GRIK2: variants seen among roughly 807,000 people sequenced by gnomAD.
GRIK2 encodes glutamate receptor ionotropic, kainate 2.
In GRIK2, 32 loss-of-function variants were observed where a neutral mutation model predicts 100.3. The ratio of observed to expected loss-of-function variants is 0.32; its 90% confidence interval spans 0.24 to 0.43. The LOEUF is 0.43. Ranked by LOEUF, GRIK2 falls within the 20% of genes least tolerant of loss-of-function variation. The pLI, the probability that GRIK2 is intolerant of heterozygous loss-of-function variation, is 1.00. For missense variants in GRIK2, 843 were observed against 1,114.9 expected (o/e 0.76, Z 3.47); for synonymous variants, 417 against 389.4 (o/e 1.07, Z -0.83).
At chr6:101,913,387 G>GAAC (rs1369437581) in intron 12 of GRIK2, among the ~76,000 whole-genome samples, 3 of 151,412 alleles carry the variant, frequency 2.0e-5, no homozygotes, top group Non-Finnish European at 4.4e-5. Context: ...ACATAACACT[G>GAAC]AACAAAGTGC....
At chr6:101,581,961 G>T (rs1352080450) in intron 2 of GRIK2, among the ~76,000 whole-genome samples, 3 of 152,168 alleles carry the variant, frequency 2.0e-5, no homozygotes, top group Non-Finnish European at 2.9e-5. Flanking sequence ...CACATGTCAA[G>T]GGTAGGACCA....
intron 14 of GRIK2, among the ~76,000 whole-genome samples, chr6:102,017,645 G>A (rs979455069): frequency 2.0e-5 from 3 of 151,852 alleles, no homozygotes; most frequent in African/African-American, 7.3e-5. Context: ...TTCTCCTTTT[G>A]CTATTCTTAT....
chr6:101,429,816 G>T (rs548506011), intron 2 of GRIK2, among the ~76,000 whole-genome samples: 2 of 152,064 alleles, frequency 1.3e-5, no homozygotes, highest in South Asian at 2.1e-4. Context: ...AAAGAATTGA[G>T]AATAGTGTGC....
intron 9 of GRIK2, among the ~76,000 whole-genome samples, chr6:101,811,155 GA>G (rs1339239434): frequency 6.6e-6 from 1 of 151,998 alleles, no homozygotes; most frequent in Non-Finnish European, 1.5e-5. Flanking sequence ...TTACTGGAAA[GA>G]AATTTCTTTA....
At chr6:102,059,935 C>A (rs1771664515) in intron 16 of GRIK2, among the ~76,000 whole-genome samples, 1 of 149,862 alleles carries the variant, frequency 6.7e-6, no homozygotes. Flanking sequence ...TAAAAAAAAT[C>A]TTAAGATGAA....
chr6:101,791,617 T>G (rs2128408346), intron 7 of GRIK2, among the ~76,000 whole-genome samples: 1 of 152,258 alleles, frequency 6.6e-6, no homozygotes, highest in Non-Finnish European at 1.5e-5. Context: ...TGAGGAGAGC[T>G]TTACTTCCCA....
chr6:101,802,239 A>T, intron 8 of GRIK2, 92 bp from the exon 9 acceptor site: 1 of 452,116 alleles, frequency 2.2e-6, no homozygotes, highest in Non-Finnish European at 4.0e-6. Context: ...GTAAACTGAA[A>T]AGTAATGAAT....
intron 2 of GRIK2, among the ~76,000 whole-genome samples, chr6:101,495,611 T>C (rs1263850606): frequency 3.9e-5 from 6 of 152,206 alleles, no homozygotes; most frequent in African/African-American, 1.4e-4. Context: ...TTCTTAATTC[T>C]TGGTCACATG....
chr6:101,823,235 T>A (rs1782074373), intron 10 of GRIK2, among the ~76,000 whole-genome samples: 1 of 152,170 alleles, frequency 6.6e-6, no homozygotes, highest in Non-Finnish European at 1.5e-5. Flanking sequence ...AATTGCAATG[T>A]TTACACATGT....
At chr6:101,926,334 A>G (rs1176463926) in intron 13 of GRIK2, among the ~76,000 whole-genome samples, 1 of 152,004 alleles carries the variant, frequency 6.6e-6, no homozygotes, top group Non-Finnish European at 1.5e-5. Context: ...GTGTTGAGTA[A>G]TACAAGTCAC....
At chr6:101,893,552 GTTA>G (rs1787242601) in intron 12 of GRIK2, among the ~76,000 whole-genome samples, 1 of 151,726 alleles carries the variant, frequency 6.6e-6, no homozygotes, top group African/African-American at 2.4e-5. Context: ...TGTCATTTCT[GTTA>G]TTATTATTAC....
intron 11 of GRIK2, among the ~76,000 whole-genome samples, chr6:101,866,785 T>C (rs760605021): frequency 4.2e-4 from 64 of 152,014 alleles, no homozygotes; most frequent in Non-Finnish European, 3.7e-4. Flanking sequence ...TTTCCCCTTC[T>C]TTGAATTCCC....
chr6:101,445,768 G>A (rs1770339846), intron 2 of GRIK2, among the ~76,000 whole-genome samples: 1 of 152,020 alleles, frequency 6.6e-6, no homozygotes, highest in African/African-American at 2.4e-5. Context: ...ATCTGTAGTT[G>A]ACTCATTCAC....
At chr6:101,447,514 A>G (rs1431379257) in intron 2 of GRIK2, among the ~76,000 whole-genome samples, 2 of 151,724 alleles carry the variant, frequency 1.3e-5, no homozygotes, top group Non-Finnish European at 3.0e-5. Context: ...TCAGCCAGTT[A>G]TTGGTTACCT....
chr6:101,893,600 ACAC>A (rs1787246119), intron 12 of GRIK2, among the ~76,000 whole-genome samples: 3 of 151,696 alleles, frequency 2.0e-5, no homozygotes, highest in Admixed American at 6.6e-5. Flanking sequence ...CTACCAAACC[ACAC>A]CTTTGATTGG....
intron 14 of GRIK2, among the ~76,000 whole-genome samples, chr6:102,019,750 T>A (rs1336832192): frequency 6.6e-6 from 1 of 152,006 alleles, no homozygotes; most frequent in Non-Finnish European, 1.5e-5. Flanking sequence ...TGCTCTCTTC[T>A]AACAAATCAT....
chr6:101,951,176 T>C (rs1791583534), intron 14 of GRIK2, among the ~76,000 whole-genome samples: 1 of 152,236 alleles, frequency 6.6e-6, no homozygotes, highest in African/African-American at 2.4e-5. Flanking sequence ...TCTTTAATGC[T>C]TTAAAATGTA....
chr6:101,461,204 C>T (rs1771291069), intron 2 of GRIK2, among the ~76,000 whole-genome samples: 1 of 152,180 alleles, frequency 6.6e-6, no homozygotes, highest in African/African-American at 2.4e-5. Flanking sequence ...ATTACTGCAA[C>T]TTAATGGTTT....
At chr6:101,617,123 G>A (rs1416298931) in intron 2 of GRIK2, among the ~76,000 whole-genome samples, 1 of 151,508 alleles carries the variant, frequency 6.6e-6, no homozygotes, top group Non-Finnish European at 1.5e-5. Flanking sequence ...TTCAAACTTA[G>A]AAAGGCCTTA....
Sources: gnomAD v4.1 joint callset for allele counts (sites outside exome capture counted in the v4.1 genomes callset) on GRCh38, gnomAD v4.1.1 for gene constraint, MANE v1.5 for transcripts, NCBI Gene and HGNC (gene_info 2026-07-23, HGNC 2026-07-21) for gene names.